Variants in NINL observed in about 807,000 individuals in gnomAD.
NINL encodes the protein ninein-like protein.
A neutral mutation model predicts 160.3 loss-of-function variants in NINL; 153 were observed. The observed-to-expected ratio is 0.95, with a 90% CI of 0.84 to 1.09. The LOEUF (loss-of-function observed/expected upper bound fraction) is 1.09, where lower values mean the gene tolerates loss of function less well. NINL is among the 50% of genes least tolerant of loss of function. NINL has a pLI of 0.00. For synonymous variants in NINL, 800 were observed against 734.8 expected, an observed-to-expected ratio of 1.09 and a Z score of -1.43; for missense variants, 1,829 against 1,764.0, an observed-to-expected ratio of 1.04 and a Z score of -0.66.
chr20:25,486,826 G>A (rs957918471), intron 13 of NINL, among the ~76,000 whole-genome samples: 1 of 152,178 alleles, frequency 6.6e-6, no homozygotes. Context: ...AGAGTGAATC[G>A]AGAATAGACC....
intron 13 of NINL, among the ~76,000 whole-genome samples, chr20:25,484,150 C>T (rs1285689083): frequency 6.6e-6 from 1 of 152,160 alleles, no homozygotes; most frequent in Non-Finnish European, 1.5e-5. Flanking sequence ...TGCACAGGTA[C>T]CCCCAAATCT....
chr20:25,503,900 A>G (rs963045250), intron 7 of NINL, 52 bp downstream of exon 7: 1 of 1,604,216 alleles, frequency 6.2e-7, no homozygotes, highest in Non-Finnish European at 8.5e-7. Context: ...TTTAGTCACC[A>G]GAGAGTGACA....
intron 1 of NINL, among the ~76,000 whole-genome samples, chr20:25,570,526 G>A (rs2065041990): frequency 6.6e-6 from 1 of 152,072 alleles, no homozygotes; most frequent in Non-Finnish European, 1.5e-5. Flanking sequence ...AGCAGCAGAA[G>A]CCGCTATGCT....
At chr20:25,555,545 A>C (rs1380559827) in intron 1 of NINL, among the ~76,000 whole-genome samples, 1 of 152,110 alleles carries the variant, frequency 6.6e-6, no homozygotes, top group African/African-American at 2.4e-5. Flanking sequence ...AAGATAACAC[A>C]CTCATGTAAC....
rs1333210064 is a variant in NINL at position 25,498,256 on chromosome 20, G to A, written c.1123C>T (p.Gln375Ter). Residue 375 changes from glutamine to a stop codon, truncating the protein, a stop_gained, in exon 9 of 24, where the codon CAG (glutamine) becomes TAG (stop). Coordinates refer to ENST00000278886, the MANE Select transcript of NINL (RefSeq NM_025176.6). LOFTEE classifies it high-confidence loss of function. ...NELMTVDSAV[Q>*]QAALACYHQE... ...TGGTAGCAGGCCAGGGCTGCCTGCT[G>A]GACGGCACTGTCCACTGTCATGAGC... 1 of 1,613,100 alleles carries A rather than the reference G, an allele frequency of 6.2e-7. No homozygotes were observed. The highest frequency in any genetic ancestry group is 8.5e-7 in the Non-Finnish European group (1 of 1,180,022).
At chr20:25,514,705 G>A (rs756963155) in intron 3 of NINL, among the ~76,000 whole-genome samples, 3 of 152,182 alleles carry the variant, frequency 2.0e-5, no homozygotes, top group South Asian at 2.1e-4. Context: ...ATAGAGCACC[G>A]CTGCCCTGTG....
rs2063933686 is a variant in NINL, at chr20:25,504,929, C to T, written c.667G>A (p.Val223Met). 6.2e-7 allele frequency: 1 copy of T among 1,612,352 alleles called. No homozygotes were observed. The highest frequency in any genetic ancestry group is 8.5e-7 in the Non-Finnish European group (1 of 1,179,972). The change falls in exon 6 of 24, where the codon GTG becomes ATG. Residue 223 changes from valine to methionine, a missense_variant. Physicochemically the swap from Val to Met is conservative, Grantham distance 21. Coordinates refer to ENST00000278886, the MANE Select transcript of NINL (RefSeq NM_025176.6). Reference protein sequence around the residue: ...SGHLSEQELAVVCQSVGLQGL... With the variant: ...SGHLSEQELAMVCQSVGLQGL... The stretch of plus-strand genomic sequence containing the variant: ...TGGAGCCCGACGCTCTGGCAGACCA[C>T]AGCCAGCTCCTGCTCGCTCAGGTGT...
At chr20:25,529,644 G>T (rs1470648519) in intron 1 of NINL, among the ~76,000 whole-genome samples, 1 of 152,108 alleles carries the variant, frequency 6.6e-6, no homozygotes, top group African/African-American at 2.4e-5. Flanking sequence ...AGCAAACTAA[G>T]CCTGGGCAAC....
At chr20:25,494,107 T>C (rs1265014937) in intron 10 of NINL, among the ~76,000 whole-genome samples, 1 of 141,684 alleles carries the variant, frequency 7.1e-6, no homozygotes, top group Non-Finnish European at 1.5e-5. Flanking sequence ...ATGGGTCCCA[T>C]GCACACAGTA....
intron 1 of NINL, among the ~76,000 whole-genome samples, chr20:25,528,181 C>T (rs1417310113): frequency 6.6e-6 from 1 of 152,084 alleles, no homozygotes; most frequent in Non-Finnish European, 1.5e-5. Flanking sequence ...GGATGCATAC[C>T]ACCGTGCCCA....
chr20:25,489,142 G>C, intron 13 of NINL, 102 bp downstream of exon 13: 1 of 1,120,080 alleles, frequency 8.9e-7, no homozygotes, highest in Non-Finnish European at 1.4e-6. Context: ...GCAAGCAGAG[G>C]CTCTCCCTGG....
chr20:25,489,964 C>A lies in NINL; in HGVS notation c.1507G>T (p.Glu503Ter). ...AGCTTTTCCACCACTTCCACAATCT[C>A]CTTCTGTAGGCGACTGTTTTCCTAG... is the stretch of plus-strand genomic sequence containing the variant. Reference protein sequence around the residue: ...ALKENSRLQKEIVEVVEKLSD... With the variant: ...ALKENSRLQK The change falls in exon 12 of 24, where the codon GAG (glutamate) becomes TAG (stop). Residue 503 changes from glutamate (E) to a stop codon, truncating the protein, a stop_gained. Coordinates refer to ENST00000278886, the MANE Select transcript of NINL (RefSeq NM_025176.6). LOFTEE classifies it high-confidence loss of function. 6.2e-7 allele frequency: 1 copy of A among 1,614,216 alleles called. No homozygotes were observed. The highest frequency in any genetic ancestry group is 1.1e-5 in the South Asian group (1 of 91,090).
chr20:25,566,442 C>G (rs1276230515), intron 1 of NINL, among the ~76,000 whole-genome samples: 3 of 151,614 alleles, frequency 2.0e-5, no homozygotes, highest in African/African-American at 7.3e-5. Context: ...TCTGAATACA[C>G]AAAGCAAGCA....
intron 1 of NINL, among the ~76,000 whole-genome samples, chr20:25,580,530 C>T (rs138310169): frequency 7.4e-4 from 112 of 152,270 alleles, no homozygotes; most frequent in African/African-American, 2.6e-3. Flanking sequence ...CGGGTCACCT[C>T]GCTTGGAGGA....
At chr20:25,508,919 C>G (rs2064014053) in intron 5 of NINL, among the ~76,000 whole-genome samples, 1 of 152,218 alleles carries the variant, frequency 6.6e-6, no homozygotes. Context: ...CATGACACCC[C>G]CCTGTTCTAA....
intron 2 of NINL, among the ~76,000 whole-genome samples, chr20:25,518,416 A>G (rs1479928225): frequency 2.6e-5 from 4 of 152,068 alleles, no homozygotes; most frequent in African/African-American, 7.2e-5. Flanking sequence ...ACCTTTTATT[A>G]TAACAAAATG....
chr20:25,477,391 C>T (rs2063284988), intron 16 of NINL, among the ~76,000 whole-genome samples: 1 of 152,228 alleles, frequency 6.6e-6, no homozygotes, highest in African/African-American at 2.4e-5. Context: ...TGCAGCCCCT[C>T]GGCCGTGCAG....
Position 25,554,636 on chromosome 20 carries a change from C to CAAAA in NINL, c.-11-28042_-11-28039dup, listed in dbSNP as rs747557892. On this transcript the variant is annotated intron_variant, in intron 1 of 23. Coordinates refer to ENST00000278886, the MANE Select transcript of NINL (RefSeq NM_025176.6). ...CCCTGTTCTTTACCAAAAAAAAAAACAAAAAAAAAAAAAAAAAAAAATTAG... is the reference window on the plus strand; with the variant it reads ...CCCTGTTCTTTACCAAAAAAAAAAACAAAAAAAAAAAAAAAAAAAAAAAAATTAG... Among the ~76,000 whole-genome samples the CAAAA allele has an allele frequency of 5.8e-5, 5 of 85,788 alleles. No homozygotes were observed. The South Asian group carries it at 1.7e-3, about 29-fold the overall frequency. The allele number at this position is 85,788 out of a possible 152,430, so 56.3% of individuals were successfully genotyped here. A position where few individuals can be genotyped will look rare whatever the true frequency, so the allele number is the denominator to read the frequency against.
chr20:25,510,221 G>A (rs1234925398), intron 5 of NINL, among the ~76,000 whole-genome samples: 1 of 152,238 alleles, frequency 6.6e-6, no homozygotes, highest in African/African-American at 2.4e-5. Flanking sequence ...TTGTGAGACA[G>A]ATAAAACCCT....
Sources: allele counts gnomAD v4.1 joint callset (sites outside exome capture counted in the v4.1 genomes callset), GRCh38; gene constraint gnomAD v4.1.1; transcripts MANE v1.5; gene names NCBI Gene and HGNC (gene_info 2026-07-23, HGNC 2026-07-21).